Variants in LRP1B observed in about 807,000 individuals in gnomAD.
The protein encoded by LRP1B is low-density lipoprotein receptor-related protein 1B.
A neutral mutation model predicts 556.6 loss-of-function variants in LRP1B; 217 were observed. That is an observed-to-expected ratio of 0.39 (90% CI 0.35 to 0.44). The LOEUF (loss-of-function observed/expected upper bound fraction) is 0.44. Among genes scored for constraint, LRP1B ranks in the 20% least tolerant of loss-of-function variants. LRP1B has a pLI of 1.00. For synonymous variants in LRP1B, 2,047 were observed against 1,865.8 expected, an observed-to-expected ratio of 1.10 and a Z score of -2.50; for missense variants, 5,053 against 5,620.8, an observed-to-expected ratio of 0.90 and a Z score of 3.23.
At chr2:142,118,728 T>G (rs1707357489) in intron 1 of LRP1B, among the ~76,000 whole-genome samples, 1 of 152,160 alleles carries the variant, frequency 6.6e-6, no homozygotes, top group Admixed American at 6.6e-5. Flanking sequence ...TCTGCTGTTT[T>G]TATTTACTTA....
chr2:141,521,152 A>G (rs892984058), intron 2 of LRP1B, among the ~76,000 whole-genome samples: 2 of 152,156 alleles, frequency 1.3e-5, no homozygotes, highest in African/African-American at 4.8e-5. Context: ...GGATATTATC[A>G]GAATTTTGCC....
chr2:140,922,494 A>G (rs758337282), intron 21 of LRP1B, among the ~76,000 whole-genome samples: 1 of 151,912 alleles, frequency 6.6e-6, no homozygotes, highest in Non-Finnish European at 1.5e-5. Context: ...AATACATATA[A>G]TTCTATCTTT....
intron 3 of LRP1B, among the ~76,000 whole-genome samples, chr2:141,324,057 C>CACAT (rs1687350166): frequency 9.6e-6 from 1 of 104,216 alleles, no homozygotes; most frequent in Non-Finnish European, 2.0e-5. Flanking sequence ...CACACACACA[C>CACAT]ACCTGAACAA....
intron 68 of LRP1B, among the ~76,000 whole-genome samples, chr2:140,375,538 TATACTG>T (rs1412312379): frequency 6.6e-6 from 1 of 152,150 alleles, no homozygotes; most frequent in Non-Finnish European, 1.5e-5. Context: ...ATCAAGATCT[TATACTG>T]ATACTTTTGG....
chr2:141,064,481 C>T (rs957657946), intron 7 of LRP1B, among the ~76,000 whole-genome samples: 1 of 151,850 alleles, frequency 6.6e-6, no homozygotes, highest in Non-Finnish European at 1.5e-5. Context: ...TGAGATAACT[C>T]TCTAAGTTTC....
chr2:140,483,145 C>T (rs1688309407), intron 59 of LRP1B, among the ~76,000 whole-genome samples: 1 of 152,002 alleles, frequency 6.6e-6, no homozygotes, highest in Non-Finnish European at 1.5e-5. Flanking sequence ...ATAAAGAGAT[C>T]CAACTTTTAC....
chr2:141,425,042 T>A (rs1273996008), intron 3 of LRP1B, among the ~76,000 whole-genome samples: 1 of 151,012 alleles, frequency 6.6e-6, no homozygotes, highest in Non-Finnish European at 1.5e-5. Context: ...TAGCATTAGG[T>A]ATATCTCCTA....
At chr2:140,515,458 T>C (rs4381729) in intron 50 of LRP1B, among the ~76,000 whole-genome samples, 116,397 of 151,864 alleles carry the variant, frequency 0.77, 45,281 homozygotes, top group Middle Eastern at 0.88. Flanking sequence ...CTCTCCTCCA[T>C]TCCCAGCCTC....
chr2:140,651,357 TGGGGGGA>T (rs1218466512), intron 41 of LRP1B, among the ~76,000 whole-genome samples: 1 of 27,490 alleles, frequency 3.6e-5, no homozygotes, highest in African/African-American at 1.6e-4. Context: ...TGTTGTGGGG[TGGGGGGA>T]GGGGGGAGGG....
Position 140,373,010 on chromosome 2 carries a change from G to A in LRP1B, c.10766C>T (p.Pro3589Leu). The A allele has an allele frequency of 6.2e-7, 1 of 1,612,794 alleles. No individual in the cohort carries two copies. Among genetic ancestry groups the A allele is most frequent in the Non-Finnish European group, 8.5e-7 (1 of 1,179,410 alleles). Reference sequence around the variant, plus strand: ...ATATATTACTTCAATCCTTTTACCTGGCTCACAGCTTTTCTCATCTTCCCC... The same window carrying A: ...ATATATTACTTCAATCCTTTTACCTAGCTCACAGCTTTTCTCATCTTCCCC... ...KYGEDEKSCE[P>L]ASPTCSSREY... Residue 3589 changes from proline (P) to leucine (L), a missense_variant and splice_region_variant, in exon 69 of 91, where the codon CCA (proline) becomes CTA (leucine). Physicochemically the swap from Pro to Leu is moderately conservative, Grantham distance 98. Around this residue, in one of 5 missense-constraint regions of LRP1B, gnomAD observed 599 missense variants for 648.4 expected, o/e 0.92. Coordinates refer to ENST00000389484, the MANE Select transcript of LRP1B (RefSeq NM_018557.3).
At chr2:140,323,591 C>A (rs570584886) in intron 81 of LRP1B, among the ~76,000 whole-genome samples, 2 of 151,762 alleles carry the variant, frequency 1.3e-5, no homozygotes, top group Non-Finnish European at 2.9e-5. Context: ...TACCCTAAAA[C>A]TTAAAGTATA....
At chr2:140,758,269 C>T (rs572843519) in intron 35 of LRP1B, among the ~76,000 whole-genome samples, 99 of 139,446 alleles carry the variant, frequency 7.1e-4, no homozygotes, top group African/African-American at 2.2e-3. Flanking sequence ...CATAGGAGAG[C>T]GTTCATGTTA....
intron 1 of LRP1B, among the ~76,000 whole-genome samples, chr2:141,912,121 G>T (rs908929541): frequency 1.3e-5 from 2 of 152,104 alleles, no homozygotes; most frequent in African/African-American, 4.8e-5. Context: ...CTTCAACTCT[G>T]TCACATATGG....
chr2:141,280,926 AT>A (rs1178878353), intron 3 of LRP1B, among the ~76,000 whole-genome samples: 3 of 151,852 alleles, frequency 2.0e-5, no homozygotes, highest in Non-Finnish European at 4.4e-5. Context: ...AGTGCCACAG[AT>A]TTTTGCTCTC....
intron 3 of LRP1B, among the ~76,000 whole-genome samples, chr2:141,292,520 C>T (rs1013062717): frequency 5.3e-5 from 8 of 152,102 alleles, no homozygotes; most frequent in Non-Finnish European, 8.8e-5. Context: ...AGGAACTTTA[C>T]AGGAGAGGAA....
intron 7 of LRP1B, among the ~76,000 whole-genome samples, chr2:141,102,239 C>G (rs10048798): frequency 0.36 from 54,824 of 151,852 alleles, 10,396 homozygotes; most frequent in East Asian, 0.66. Flanking sequence ...TCATTAGTTA[C>G]TTTGTAAATC....
chr2:140,505,483 T>G (rs557577442), intron 53 of LRP1B, among the ~76,000 whole-genome samples: 3 of 152,340 alleles, frequency 2.0e-5, no homozygotes, highest in African/African-American at 7.2e-5. Flanking sequence ...TGTTTCTATT[T>G]GACATAATAT....
chr2:141,559,892 T>C (rs1249209617), intron 2 of LRP1B, among the ~76,000 whole-genome samples: 1 of 151,650 alleles, frequency 6.6e-6, no homozygotes, highest in Non-Finnish European at 1.5e-5. Flanking sequence ...ATTTGTAAAG[T>C]TCGAGGTAGA....
At chr2:141,441,742 TAGC>T (rs1385371832) in intron 3 of LRP1B, among the ~76,000 whole-genome samples, 5 of 152,184 alleles carry the variant, frequency 3.3e-5, no homozygotes, top group African/African-American at 1.2e-4. Flanking sequence ...GAGTCACTGT[TAGC>T]AGTGTAGTCT....
Sources: gnomAD v4.1 joint callset for allele counts (sites outside exome capture counted in the v4.1 genomes callset) on GRCh38, gnomAD v4.1.1 for gene constraint, gnomAD v4.1.1 regional missense constraint, MANE v1.5 for transcripts, NCBI Gene and HGNC (gene_info 2026-07-23, HGNC 2026-07-21) for gene names.